The following SUPT3H variants were observed in gnomAD, a reference collection of about 807,000 sequenced individuals.
SUPT3H encodes the protein SPT3 homolog, SAGA and STAGA complex component.
A neutral mutation model predicts 44.3 loss-of-function variants in SUPT3H; 44 were observed. The observed-to-expected ratio is 0.99, with a 90% CI of 0.78 to 1.28. SUPT3H has a LOEUF of 1.28. Ranked by LOEUF, SUPT3H falls within the 50% of genes most tolerant of loss-of-function variation. The pLI is 0.00. For synonymous variants in SUPT3H, 124 were observed against 125.6 expected, an observed-to-expected ratio of 0.99 and a Z score of 0.09; for missense variants, 380 against 387.1, an observed-to-expected ratio of 0.98 and a Z score of 0.15.
intron 2 of SUPT3H, among the ~76,000 whole-genome samples, chr6:45,299,682 A>C (rs1339772799): frequency 6.6e-6 from 1 of 151,724 alleles, no homozygotes; most frequent in Non-Finnish European, 1.5e-5. Flanking sequence ...GGGGAGGCTG[A>C]GGAAGGAAGA....
intron 3 of SUPT3H, among the ~76,000 whole-genome samples, chr6:45,103,334 AT>A (rs1357918551): frequency 1.3e-5 from 2 of 152,214 alleles, no homozygotes; most frequent in East Asian, 1.9e-4. Flanking sequence ...TAATAAGAGG[AT>A]TTCTCATTAT....
chr6:44,918,656 A>G (rs2153455842), intron 10 of SUPT3H, among the ~76,000 whole-genome samples: 1 of 152,352 alleles, frequency 6.6e-6, no homozygotes, highest in African/African-American at 2.4e-5. Context: ...GCAAAAGCTT[A>G]GCAGAAGGAA....
chr6:44,824,034 AC>A (rs1581833010), downstream of SUPT3H, among the ~76,000 whole-genome samples: 1 of 152,106 alleles, frequency 6.6e-6, no homozygotes, highest in Non-Finnish European at 1.5e-5. Context: ...TGACATGGTA[AC>A]CCCCCAGTCA....
chr6:45,091,405 C>T (rs1382786252), intron 3 of SUPT3H, among the ~76,000 whole-genome samples: 2 of 151,910 alleles, frequency 1.3e-5, no homozygotes, highest in African/African-American at 4.8e-5. Context: ...CTGCAGAGAA[C>T]CACAGAATAC....
intron 10 of SUPT3H, among the ~76,000 whole-genome samples, chr6:44,917,032 T>C (rs1011064758): frequency 2.6e-5 from 4 of 152,000 alleles, no homozygotes; most frequent in African/African-American, 9.7e-5. Flanking sequence ...TATACGTCTG[T>C]AGTCCCAGCT....
At chr6:44,992,392 C>T (rs975019035) in intron 6 of SUPT3H, among the ~76,000 whole-genome samples, 1 of 152,068 alleles carries the variant, frequency 6.6e-6, no homozygotes, top group Non-Finnish European at 1.5e-5. Context: ...ACAGTGGACA[C>T]GAGTGTTCAC....
intron 10 of SUPT3H, among the ~76,000 whole-genome samples, chr6:44,879,616 C>A (rs571446053): frequency 6.7e-6 from 1 of 149,150 alleles, no homozygotes; most frequent in African/African-American, 2.4e-5. Context: ...CCCTGACCCC[C>A]ATGCCTCCTG....
At chr6:44,848,839 G>A (rs1028907338) in intron 10 of SUPT3H, among the ~76,000 whole-genome samples, 7 of 152,144 alleles carry the variant, frequency 4.6e-5, no homozygotes, top group African/African-American at 1.7e-4. Context: ...ACAGACTCAG[G>A]ACTCGAAACA....
At chr6:45,292,444 C>T (rs1050699043) in intron 2 of SUPT3H, among the ~76,000 whole-genome samples, 8 of 151,914 alleles carry the variant, frequency 5.3e-5, no homozygotes, top group South Asian at 2.1e-4. Context: ...ATACAGGCAA[C>T]GAATACCATG....
intron 10 of SUPT3H, among the ~76,000 whole-genome samples, chr6:44,872,457 T>C (rs1776551846): frequency 1.4e-5 from 2 of 147,712 alleles, no homozygotes; most frequent in Non-Finnish European, 3.0e-5. Context: ...CTGAGAGATT[T>C]TGTCACCACC....
intron 3 of SUPT3H, among the ~76,000 whole-genome samples, chr6:45,052,899 G>T (rs1790514317): frequency 6.6e-6 from 1 of 152,108 alleles, no homozygotes; most frequent in African/African-American, 2.4e-5. Flanking sequence ...AATGCAGAAG[G>T]GGGTAAAAAG....
At chr6:45,328,767 A>G (rs1584936285) in intron 2 of SUPT3H, 1 of 1,612,222 alleles carries the variant, frequency 6.2e-7, no homozygotes, top group East Asian at 2.2e-5. Context: ...ACACCATGTC[A>G]GCAAAACTTC....
intron 1 of SUPT3H, among the ~76,000 whole-genome samples, chr6:45,372,967 C>A (rs529721093): frequency 4.6e-5 from 7 of 152,196 alleles, no homozygotes; most frequent in South Asian, 4.1e-4. Context: ...CGCCAAGACA[C>A]GCGGCTAATT....
intron 2 of SUPT3H, among the ~76,000 whole-genome samples, chr6:45,252,346 T>C (rs573424408): frequency 6.6e-6 from 1 of 152,224 alleles, no homozygotes; most frequent in Non-Finnish European, 1.5e-5. Context: ...TGAAATGTTA[T>C]ACTTTTGCTT....
intron 2 of SUPT3H, among the ~76,000 whole-genome samples, chr6:45,201,288 C>T (rs1762421356): frequency 6.6e-6 from 1 of 151,644 alleles, no homozygotes; most frequent in South Asian, 2.1e-4. Flanking sequence ...TAATCTCATA[C>T]TGCAACTTGC....
intron 6 of SUPT3H, among the ~76,000 whole-genome samples, chr6:44,970,923 T>C (rs1777485296): frequency 1.3e-5 from 2 of 152,200 alleles, no homozygotes; most frequent in Admixed American, 1.3e-4. Context: ...TATGCACACT[T>C]TATGGAGTCT....
At chr6:44,814,984 T>A (rs1159822477) in intron 11 of SUPT3H, among the ~76,000 whole-genome samples, 2 of 152,084 alleles carry the variant, frequency 1.3e-5, no homozygotes. Flanking sequence ...GCCTCAAATT[T>A]TTTTCATAAC....
chr6:44,965,241 C>T (rs543044346), intron 6 of SUPT3H, among the ~76,000 whole-genome samples: 6 of 152,270 alleles, frequency 3.9e-5, no homozygotes, highest in African/African-American at 1.4e-4. Context: ...TGTAGAGATA[C>T]TGATTCCATT....
chr6:44,932,563 A>G, intron 10 of SUPT3H, 90 bp downstream of exon 10: 1 of 897,550 alleles, frequency 1.1e-6, no homozygotes, highest in Non-Finnish European at 1.7e-6. Flanking sequence ...ATTGCTTTCA[A>G]CAATTCCATT....
Sources: gnomAD v4.1 joint callset for allele counts (sites outside exome capture counted in the v4.1 genomes callset) on GRCh38, gnomAD v4.1.1 for gene constraint, MANE v1.5 for transcripts, NCBI Gene and HGNC (gene_info 2026-07-23, HGNC 2026-07-21) for gene names.